The following POFUT3 variants were observed in gnomAD, a reference collection of about 807,000 sequenced individuals.
The protein encoded by POFUT3 is protein O-fucosyltransferase 3.
the POFUT3 span, chr8:33,436,753 C>T: frequency 1.7e-5 from 10 of 581,056 alleles, no homozygotes; most frequent in Admixed American, 5.5e-5. Context: ...GCAGCACGGA[C>T]GCTTCTGACA....
At chr8:33,326,162 G>A in the POFUT3 span, among the ~76,000 whole-genome samples, 1 of 152,060 alleles carries the variant, frequency 6.6e-6, no homozygotes, top group South Asian at 2.1e-4. Context: ...TGTTCACATG[G>A]CCTACTCCAG....
At chr8:33,351,769 G>C in the POFUT3 span, among the ~76,000 whole-genome samples, 1 of 151,996 alleles carries the variant, frequency 6.6e-6, no homozygotes, top group Non-Finnish European at 1.5e-5. Flanking sequence ...AAACAGGCAA[G>C]ACAGATGAGA....
At chr8:33,440,007 C>G in the POFUT3 span, among the ~76,000 whole-genome samples, 1 of 152,080 alleles carries the variant, frequency 6.6e-6, no homozygotes, top group Non-Finnish European at 1.5e-5. Flanking sequence ...AAACTGCTTC[C>G]TCTTCAAGTC....
At chr8:33,333,853 G>A in the POFUT3 span, among the ~76,000 whole-genome samples, 1,403 of 152,184 alleles carry the variant, frequency 9.2e-3, 19 homozygotes, top group African/African-American at 0.032. Context: ...CCGTATTGGC[G>A]GATGATTTGG....
At chr8:33,374,342 C>G in the POFUT3 span, among the ~76,000 whole-genome samples, 1 of 152,090 alleles carries the variant, frequency 6.6e-6, no homozygotes, top group East Asian at 1.9e-4. Context: ...ATCCATAACC[C>G]AAGTGTTAAC....
the POFUT3 span, among the ~76,000 whole-genome samples, chr8:33,354,064 C>T: frequency 1.3e-5 from 2 of 152,026 alleles, no homozygotes; most frequent in African/African-American, 2.4e-5. Context: ...TTATTGTCAT[C>T]CCCCTCACCT....
chr8:33,465,269 G>C, the POFUT3 span, among the ~76,000 whole-genome samples: 1 of 151,958 alleles, frequency 6.6e-6, no homozygotes, highest in Admixed American at 6.6e-5. Flanking sequence ...AAAATGTTTA[G>C]ATATATCACT....
chr8:33,396,319 T>C, the POFUT3 span, among the ~76,000 whole-genome samples: 1 of 152,178 alleles, frequency 6.6e-6, no homozygotes, highest in Admixed American at 6.5e-5. Flanking sequence ...AGCCCCTTTG[T>C]AACCAATTCT....
chr8:33,343,406 C>T, the POFUT3 span, among the ~76,000 whole-genome samples: 1 of 152,218 alleles, frequency 6.6e-6, no homozygotes, highest in Admixed American at 6.5e-5. Context: ...CAATTGATTA[C>T]AGGTGTCTGC....
chr8:33,461,997 T>C, the POFUT3 span, among the ~76,000 whole-genome samples: 9 of 150,898 alleles, frequency 6.0e-5, no homozygotes, highest in African/African-American at 2.2e-4. Flanking sequence ...CTGTCTCTAC[T>C]AAAAATACCA....
At chr8:33,329,601 G>A in the POFUT3 span, among the ~76,000 whole-genome samples, 15 of 152,226 alleles carry the variant, frequency 9.9e-5, no homozygotes, top group African/African-American at 3.4e-4. Context: ...AATGTGACTT[G>A]GAGTCCCCAG....
the POFUT3 span, among the ~76,000 whole-genome samples, chr8:33,367,673 C>A: frequency 1.3e-5 from 2 of 151,910 alleles, no homozygotes; most frequent in Admixed American, 6.6e-5. Context: ...TAATAAAATT[C>A]ATCATTTTTA....
At chr8:33,323,631 T>A in the POFUT3 span, among the ~76,000 whole-genome samples, 1 of 152,142 alleles carries the variant, frequency 6.6e-6, no homozygotes, top group Admixed American at 6.5e-5. Context: ...GTAGACTTAC[T>A]CCCAATTCAA....
chr8:33,365,039 T>C, the POFUT3 span, among the ~76,000 whole-genome samples: 1 of 152,202 alleles, frequency 6.6e-6, no homozygotes, highest in African/African-American at 2.4e-5. Context: ...CCAAACAGCA[T>C]GGTACTGGTA....
the POFUT3 span, among the ~76,000 whole-genome samples, chr8:33,435,994 A>G: frequency 3.9e-5 from 6 of 152,242 alleles, no homozygotes; most frequent in South Asian, 1.2e-3. Flanking sequence ...TGCAGGAGGC[A>G]GGGAGGAGAC....
chr8:33,463,651 C>T, the POFUT3 span, among the ~76,000 whole-genome samples: 2 of 152,118 alleles, frequency 1.3e-5, no homozygotes, highest in African/African-American at 4.8e-5. Context: ...CTCAAGCAGT[C>T]CTCCCACCTC....
At chr8:33,449,376 T>C in the POFUT3 span, among the ~76,000 whole-genome samples, 4 of 139,760 alleles carry the variant, frequency 2.9e-5, no homozygotes, top group African/African-American at 1.1e-4. Context: ...TGCAACTTTC[T>C]CCTCCCAGGT....
chr8:33,405,816 G>A, the POFUT3 span, among the ~76,000 whole-genome samples: 1 of 152,158 alleles, frequency 6.6e-6, no homozygotes, highest in African/African-American at 2.4e-5. Context: ...CCAATCAAAT[G>A]TATAAGTAAA....
At chr8:33,380,961 C>T in the POFUT3 span, among the ~76,000 whole-genome samples, 1 of 151,986 alleles carries the variant, frequency 6.6e-6, no homozygotes, top group Non-Finnish European at 1.5e-5. Flanking sequence ...TAGTGAGACT[C>T]CAACTTTACA....
Sources: gnomAD v4.1 joint callset for allele counts (sites outside exome capture counted in the v4.1 genomes callset) on GRCh38, gnomAD v4.1.1 for gene constraint, MANE v1.5 for transcripts, NCBI Gene and HGNC (gene_info 2026-07-23, HGNC 2026-07-21) for gene names.